ANO5: variants seen among roughly 807,000 people sequenced by gnomAD.
ANO5 encodes anoctamin-5.
A neutral mutation model predicts 121.0 loss-of-function variants in ANO5; 109 were observed. That is an observed-to-expected ratio of 0.90 (90% CI 0.77 to 1.06). The LOEUF is 1.06. ANO5 is among the 50% of genes least tolerant of loss of function. The probability of loss-of-function intolerance (pLI) is 0.00; values close to 1 mark genes in which losing one functional copy is unlikely to be tolerated. For missense variants in ANO5, 1,064 were observed against 1,078.5 expected, an observed-to-expected ratio of 0.99 and a Z score of 0.19; for synonymous variants, 406 against 359.9, an observed-to-expected ratio of 1.13 and a Z score of -1.45.
At chr11:22,276,915 TTC>T (rs1242422441) in intron 21 of ANO5, among the ~76,000 whole-genome samples, 1 of 149,556 alleles carries the variant, frequency 6.7e-6, no homozygotes, top group Non-Finnish European at 1.5e-5. Context: ...TCCAACCAGT[TTC>T]TGTTTTTTTT....
intron 21 of ANO5, among the ~76,000 whole-genome samples, 166 bp downstream of exon 21, chr11:22,276,365 T>C (rs1258278454): frequency 1.3e-5 from 2 of 151,778 alleles, no homozygotes; most frequent in African/African-American, 4.8e-5. Context: ...CTTAGTACAA[T>C]GGATTGCCTA....
At chr11:22,202,018 T>C (rs1185760514) in intron 1 of ANO5, among the ~76,000 whole-genome samples, 1 of 152,030 alleles carries the variant, frequency 6.6e-6, no homozygotes, top group Non-Finnish European at 1.5e-5. Flanking sequence ...GGGCCAGACT[T>C]AAGAGCGTGA....
chr11:22,269,492 AAAGAAAAGGAAG>A (rs1854522689), intron 17 of ANO5, among the ~76,000 whole-genome samples: 6 of 14,920 alleles, frequency 4.0e-4, no homozygotes, highest in African/African-American at 2.4e-3. Context: ...AGGAAAGAAA[AAAGAAAAGGAAG>A]GAAAGAAAAA....
chr11:22,233,737 G>A (rs1853120283), intron 7 of ANO5, among the ~76,000 whole-genome samples: 1 of 152,084 alleles, frequency 6.6e-6, no homozygotes, highest in Non-Finnish European at 1.5e-5. Context: ...AGGGCTCTCT[G>A]CTGAAGCATT....
intron 18 of ANO5, 48 bp from the exon 19 acceptor site, chr11:22,272,736 C>A: frequency 6.4e-7 from 1 of 1,560,060 alleles, no homozygotes; most frequent in Non-Finnish European, 8.8e-7. Flanking sequence ...GTGTTCCTGT[C>A]TTTCTCCTTC....
intron 20 of ANO5, 36 bp from the exon 21 acceptor site, chr11:22,276,058 T>C (rs763519454): frequency 6.3e-6 from 8 of 1,265,540 alleles, no homozygotes; most frequent in Non-Finnish European, 8.9e-6. Context: ...ATAACTATTA[T>C]TATTTTTTTT....
intron 7 of ANO5, among the ~76,000 whole-genome samples, chr11:22,230,660 C>T (rs1048082956): frequency 6.6e-6 from 1 of 151,974 alleles, no homozygotes; most frequent in Non-Finnish European, 1.5e-5. Flanking sequence ...AACTACCATT[C>T]CCACATGTCC....
chr11:22,235,453 C>A (rs1030187894), intron 7 of ANO5, among the ~76,000 whole-genome samples: 1 of 151,194 alleles, frequency 6.6e-6, no homozygotes, highest in Non-Finnish European at 1.5e-5. Flanking sequence ...TACAACCATT[C>A]CAATCAAAAA....
intron 1 of ANO5, among the ~76,000 whole-genome samples, chr11:22,202,254 A>T (rs1419645746): frequency 6.6e-6 from 1 of 152,124 alleles, no homozygotes; most frequent in Non-Finnish European, 1.5e-5. Flanking sequence ...TGTACAGATC[A>T]AAACTCAAAA....
chr11:22,265,511 T>C (rs1277590919), intron 17 of ANO5, among the ~76,000 whole-genome samples: 1 of 152,118 alleles, frequency 6.6e-6, no homozygotes, highest in Non-Finnish European at 1.5e-5. Flanking sequence ...AAACATTGGT[T>C]AGCACAGAAT....
chr11:22,231,735 A>G (rs1222764121), intron 7 of ANO5, among the ~76,000 whole-genome samples: 2 of 151,978 alleles, frequency 1.3e-5, no homozygotes, highest in East Asian at 3.9e-4. Context: ...TTGAGATCTA[A>G]GGACATGCAC....
chr11:22,203,544 A>C (rs965594498), intron 1 of ANO5, among the ~76,000 whole-genome samples: 1 of 152,138 alleles, frequency 6.6e-6, no homozygotes, highest in Non-Finnish European at 1.5e-5. Context: ...ATCAGAGTTA[A>C]GTTTATTTCT....
intron 17 of ANO5, among the ~76,000 whole-genome samples, chr11:22,266,547 T>C (rs1854372701): frequency 6.6e-6 from 1 of 152,184 alleles, no homozygotes; most frequent in African/African-American, 2.4e-5. Flanking sequence ...TTTTTGGCCA[T>C]ATTTGTTTCC....
Position 22,250,818 on chromosome 11 carries a change from G to A in ANO5, c.1091G>A (p.Arg364Lys). The A allele has an allele frequency of 1.2e-6, 2 of 1,614,018 alleles. No homozygotes were observed. The highest frequency in any genetic ancestry group is 1.1e-5 in the South Asian group (1 of 91,076). Residue 364 changes from arginine (R) to lysine (K), a missense_variant, in exon 11 of 22, where the codon AGA becomes AAA. Physicochemically the swap from Arg to Lys is conservative, Grantham distance 26. Coordinates refer to ENST00000324559, the MANE Select transcript of ANO5 (RefSeq NM_213599.3). The stretch of plus-strand genomic sequence containing the variant: ...TGTGATCAAGTGTGTGATTATTGGA[G>A]ACTAAATAGTACGTGTTTGGCTTCA... Reference protein sequence around the residue: ...PLCDQVCDYWRLNSTCLASKF... With the variant: ...PLCDQVCDYWKLNSTCLASKF...
chr11:22,232,648 T>G (rs1000886758), intron 7 of ANO5, among the ~76,000 whole-genome samples: 2 of 151,986 alleles, frequency 1.3e-5, no homozygotes, highest in African/African-American at 4.8e-5. Context: ...ACAACTACTA[T>G]CTACCTGTAA....
intron 18 of ANO5, 101 bp from the exon 19 acceptor site, chr11:22,272,683 G>T: frequency 9.3e-7 from 1 of 1,075,768 alleles, no homozygotes; most frequent in South Asian, 1.3e-5. Context: ...TCGTATTCGT[G>T]TGGATCACTC....
intron 13 of ANO5, 52 bp downstream of exon 13, chr11:22,255,574 A>G (rs1590292999): frequency 1.3e-6 from 2 of 1,591,784 alleles, no homozygotes; most frequent in East Asian, 2.2e-5. Context: ...ACACACTGCT[A>G]TAGGTTTCTT....
At chr11:22,233,195 A>C (rs1054423771) in intron 7 of ANO5, among the ~76,000 whole-genome samples, 1 of 151,654 alleles carries the variant, frequency 6.6e-6, no homozygotes, top group Non-Finnish European at 1.5e-5. Flanking sequence ...GGAGACTGGG[A>C]GATGAGTATG....
chr11:22,266,929 G>A (rs1168644505), intron 17 of ANO5, among the ~76,000 whole-genome samples: 3 of 152,108 alleles, frequency 2.0e-5, no homozygotes, highest in Non-Finnish European at 4.4e-5. Context: ...TTGTGTCATT[G>A]TGGGCAAAAT....
Sources: gnomAD v4.1 joint callset for allele counts (sites outside exome capture counted in the v4.1 genomes callset) on GRCh38, gnomAD v4.1.1 for gene constraint, MANE v1.5 for transcripts, NCBI Gene and HGNC (gene_info 2026-07-23, HGNC 2026-07-21) for gene names.